EYS: variants seen among roughly 807,000 people sequenced by gnomAD.
EYS encodes the protein protein eyes shut homolog.
In EYS, 250 loss-of-function variants were observed where a neutral mutation model predicts 282.1. The ratio of observed to expected loss-of-function variants is 0.89; its 90% CI spans 0.80 to 0.98. The LOEUF (loss-of-function observed/expected upper bound fraction) is 0.98. EYS is among the 50% of genes least tolerant of loss of function. The probability of loss-of-function intolerance (pLI) is 0.00; values close to 1 mark genes in which losing one functional copy is unlikely to be tolerated. For synonymous variants in EYS, 1,355 were observed against 1,282.9 expected (o/e 1.06, Z -1.20); for missense variants, 4,016 against 3,709.0 (o/e 1.08, Z -2.15).
At chr6:64,128,979 G>C (rs752396150) in intron 31 of EYS, among the ~76,000 whole-genome samples, 24 of 152,146 alleles carry the variant, frequency 1.6e-4, no homozygotes, top group Non-Finnish European at 2.6e-4. Flanking sequence ...AAATAGATTA[G>C]AGTGGTGAGG....
At chr6:65,610,180 T>C (rs1765945107) in intron 2 of EYS, among the ~76,000 whole-genome samples, 1 of 152,106 alleles carries the variant, frequency 6.6e-6, no homozygotes, top group South Asian at 2.1e-4. Context: ...ACACTGGGAT[T>C]ACAAATATGA....
At chr6:64,285,942 G>C (rs112099910) in intron 30 of EYS, among the ~76,000 whole-genome samples, 4,425 of 152,216 alleles carry the variant, frequency 0.029, 189 homozygotes, top group African/African-American at 0.099. Context: ...GATGAGATTT[G>C]GGTGGGGACA....
intron 26 of EYS, among the ~76,000 whole-genome samples, chr6:64,442,837 C>A (rs1188060223): frequency 6.9e-6 from 1 of 145,178 alleles, no homozygotes; most frequent in Non-Finnish European, 1.5e-5. Flanking sequence ...TCTGGATGCC[C>A]AGGCAGGAGT....
intron 1 of EYS, among the ~76,000 whole-genome samples, chr6:65,662,793 G>GA (rs1383101333): frequency 6.6e-6 from 1 of 151,942 alleles, no homozygotes; most frequent in Non-Finnish European, 1.5e-5. Flanking sequence ...GTACTATAGA[G>GA]AAAAAATAAA....
chr6:65,287,815 C>G lies in EYS; in HGVS notation c.2023+8048G>C, dbSNP rs543858875. Among the ~76,000 whole-genome samples, 15 of 151,304 alleles carry G rather than the reference C, an allele frequency of 9.9e-5. No homozygotes were observed. In the Admixed American group the frequency reaches 9.9e-4, roughly 10 times the overall value. ...TAAATATTTAAATTCACAAAGGACT[C>G]ATAAGAATCTTCCAAAGTGAAGAAA... On this transcript the variant is annotated intron_variant, in intron 12 of 42. Transcript: ENST00000503581.
At chr6:65,253,717 G>C (rs184746248) in intron 12 of EYS, among the ~76,000 whole-genome samples, 5 of 151,920 alleles carry the variant, frequency 3.3e-5, no homozygotes, top group African/African-American at 1.2e-4. Context: ...CTATATTTGA[G>C]CTAGATTCAT....
chr6:65,286,075 A>C (rs1164306306), intron 12 of EYS, among the ~76,000 whole-genome samples: 1 of 151,876 alleles, frequency 6.6e-6, no homozygotes, highest in Non-Finnish European at 1.5e-5. Flanking sequence ...ATCTAAACAC[A>C]GAAATTATGT....
intron 30 of EYS, among the ~76,000 whole-genome samples, chr6:64,269,172 T>C (rs1248135500): frequency 6.6e-6 from 1 of 152,096 alleles, no homozygotes; most frequent in Admixed American, 6.6e-5. Flanking sequence ...ATAGTTTCTC[T>C]TTGAAGCAGG....
chr6:63,775,276 G>A (rs1429930144), intron 40 of EYS, among the ~76,000 whole-genome samples: 3 of 152,148 alleles, frequency 2.0e-5, no homozygotes, highest in African/African-American at 7.2e-5. Flanking sequence ...TTTCCCTTAT[G>A]TACCAAAACA....
rs139583402 is a variant in EYS, at chr6:64,826,502, G to T, written c.2993-3680C>A. ...ACTTATTTAAAAATCCTCTTTACTA[G>T]TCCGCCTCAACATCTGCCTCCAGAT... On this transcript the variant is annotated intron_variant, in intron 19 of 42. Coordinates refer to ENST00000503581, the MANE Select transcript of EYS (RefSeq NM_001142800.2). Among the ~76,000 whole-genome samples, 23 of 151,430 alleles carry T rather than the reference G, an allele frequency of 1.5e-4. No homozygotes were observed. In the East Asian group the frequency reaches 4.1e-3, roughly 27 times the overall value.
At chr6:65,632,930 C>G (rs1172667877) in intron 2 of EYS, among the ~76,000 whole-genome samples, 8 of 151,756 alleles carry the variant, frequency 5.3e-5, no homozygotes, top group African/African-American at 1.7e-4. Flanking sequence ...AACTGAGGGC[C>G]CTTGAATCTG....
chr6:64,425,086 A>T (rs915756543), intron 28 of EYS, among the ~76,000 whole-genome samples: 7 of 152,140 alleles, frequency 4.6e-5, no homozygotes, highest in Admixed American at 3.9e-4. Context: ...AGAGTCCTAG[A>T]AGTAATGGAA....
Position 65,654,539 on chromosome 6 carries a change from T to A in EYS, c.-447-14647A>T, listed in dbSNP as rs1042318387. Among the ~76,000 whole-genome samples, 57 of 151,916 alleles carry A rather than the reference T, an allele frequency of 3.8e-4. 1 individual carries two copies. The highest frequency in any genetic ancestry group is 6.8e-3 in the Middle Eastern group (2 of 294). On this transcript the variant is annotated intron_variant, in intron 1 of 42. Coordinates refer to ENST00000503581, the MANE Select transcript of EYS (RefSeq NM_001142800.2). Reference sequence around the variant, plus strand: ...TGACCTGCCACTGTAAGGTTTAAATTTGGTTTTCCTCAAAACTGATAGATA... The same window carrying A: ...TGACCTGCCACTGTAAGGTTTAAATATGGTTTTCCTCAAAACTGATAGATA...
At chr6:63,888,615 A>C (rs1346460009) in intron 35 of EYS, among the ~76,000 whole-genome samples, 1 of 152,140 alleles carries the variant, frequency 6.6e-6, no homozygotes, top group Non-Finnish European at 1.5e-5. Flanking sequence ...AAGGATGACC[A>C]TGCAAAAACT....
intron 34 of EYS, among the ~76,000 whole-genome samples, chr6:63,988,071 T>C (rs546672739): frequency 6.6e-6 from 1 of 151,640 alleles, no homozygotes; most frequent in Non-Finnish European, 1.5e-5. Context: ...GTGTATGTTA[T>C]GGTGGAAGCT....
chr6:65,206,393 A>G (rs1162438852), intron 12 of EYS, among the ~76,000 whole-genome samples: 5 of 109,434 alleles, frequency 4.6e-5, no homozygotes, highest in Non-Finnish European at 7.6e-5. Flanking sequence ...TGAATCAATT[A>G]AAAAAAAAAT....
At position 64,151,311 on chromosome 6, in the gene EYS, G is replaced by GTATATTTATATATATATATATA. The variant is rs1398105016; in HGVS notation, c.6425-69331_6425-69310dup. 5.7e-5 allele frequency among the ~76,000 whole-genome samples: 5 copies of GTATATTTATATATATATATATA among 87,170 alleles called. No homozygotes were observed. In the South Asian group the frequency reaches 1.8e-3, roughly 32 times the overall value. The allele number at this position is 87,170 out of a possible 152,430, so 57.2% of individuals were successfully genotyped here. A position where few individuals can be genotyped will look rare whatever the true frequency, so the allele number is the denominator to read the frequency against. The stretch of plus-strand genomic sequence containing the variant: ...TATATGTTTTCACACGTGTGTGTGT[G>GTATATTTATATATATATATATA]TATATTTATATATATATATATATAT... On this transcript the variant is annotated intron_variant, in intron 31 of 42. Coordinates refer to ENST00000503581, the MANE Select transcript of EYS (RefSeq NM_001142800.2).
At chr6:64,894,543 T>C (rs1767393384) in intron 18 of EYS, among the ~76,000 whole-genome samples, 1 of 152,140 alleles carries the variant, frequency 6.6e-6, no homozygotes, top group East Asian at 1.9e-4. Flanking sequence ...TTTGGCTTTG[T>C]AGGGATTCTC....
intron 30 of EYS, among the ~76,000 whole-genome samples, chr6:64,288,763 A>G (rs1418855526): frequency 6.6e-6 from 1 of 152,096 alleles, no homozygotes; most frequent in Non-Finnish European, 1.5e-5. Flanking sequence ...GTATCTGCTG[A>G]TGTTATCCAC....
Sources: gnomAD v4.1 joint callset for allele counts (sites outside exome capture counted in the v4.1 genomes callset) on GRCh38, gnomAD v4.1.1 for gene constraint, MANE v1.5 for transcripts, NCBI Gene and HGNC (gene_info 2026-07-23, HGNC 2026-07-21) for gene names.